The following GNG2 variants were observed in gnomAD, a reference collection of about 807,000 sequenced individuals.
GNG2 encodes guanine nucleotide-binding protein G(I)/G(S)/G(O) subunit gamma-2.
Under a neutral mutation model 5.5 loss-of-function variants are expected in GNG2, and 5 were observed. That is an observed-to-expected ratio of 0.91 (90% CI 0.48 to 1.92). The LOEUF is 1.92. Among genes scored for constraint, GNG2 ranks in the 30% most tolerant of loss-of-function variants. The probability of loss-of-function intolerance (pLI) is 0.01; values close to 1 mark genes in which losing one functional copy is unlikely to be tolerated. For synonymous variants in GNG2, 28 were observed against 32.0 expected (o/e 0.88, Z 0.42); for missense variants, 55 against 88.4 (o/e 0.62, Z 1.52).
chr14:51,849,908 C>T (rs1881828543), intron 2 of GNG2, among the ~76,000 whole-genome samples: 1 of 150,542 alleles, frequency 6.6e-6, no homozygotes, highest in Non-Finnish European at 1.5e-5. Context: ...CTTTTGGGCT[C>T]AGGTGATCCT....
At chr14:51,844,547 T>C (rs1316993803) in intron 2 of GNG2, among the ~76,000 whole-genome samples, 1 of 152,116 alleles carries the variant, frequency 6.6e-6, no homozygotes, top group Admixed American at 6.5e-5. Context: ...AGGAGTGTTA[T>C]ATAAAGAGTT....
chr14:51,905,558 C>A (rs1421858193), intron 2 of GNG2, among the ~76,000 whole-genome samples: 1 of 152,168 alleles, frequency 6.6e-6, no homozygotes, highest in Admixed American at 6.5e-5. Context: ...GTTACCTTTA[C>A]TCTTTCAGTC....
intron 2 of GNG2, among the ~76,000 whole-genome samples, chr14:51,890,451 C>T (rs185164938): frequency 1.3e-5 from 2 of 152,306 alleles, no homozygotes; most frequent in East Asian, 3.9e-4. Context: ...ACCAATGTAA[C>T]TCTACTCAGA....
chr14:51,874,864 C>G (rs1232620138), intron 1 of GNG2, among the ~76,000 whole-genome samples: 1 of 152,172 alleles, frequency 6.6e-6, no homozygotes, highest in Admixed American at 6.5e-5. Flanking sequence ...CGTTTTTCCT[C>G]TCATATGTGG....
intron 3 of GNG2, among the ~76,000 whole-genome samples, chr14:51,958,170 T>C (rs1889378159): frequency 6.6e-6 from 1 of 152,236 alleles, no homozygotes; most frequent in African/African-American, 2.4e-5. Context: ...TTGCGTCCTT[T>C]TGGCATGCTG....
Position 51,925,547 on chromosome 14 carries a change from G to A in GNG2, c.-29-25103G>A, listed in dbSNP as rs74732359. Among the ~76,000 whole-genome samples the A allele has an allele frequency of 5.1e-3, 777 of 152,262 alleles. 5 individuals carry two copies. The highest frequency in any genetic ancestry group is 0.011 in the Admixed American group (171 of 15,296). On this transcript the variant is annotated intron_variant, in intron 2 of 3. Transcript: ENST00000556766. ...GAATCTGCTCCTCTGAAAATCGGAG[G>A]ATACTGCCTTCTTGAGGGCCTGCTC...
At chr14:51,945,425 C>G (rs945537309) in intron 2 of GNG2, among the ~76,000 whole-genome samples, 1 of 152,110 alleles carries the variant, frequency 6.6e-6, no homozygotes, top group African/African-American at 2.4e-5. Context: ...TGAAATAAGC[C>G]AGTCACAAAA....
intron 2 of GNG2, among the ~76,000 whole-genome samples, chr14:51,894,795 C>T (rs1885077742): frequency 6.6e-6 from 1 of 152,016 alleles, no homozygotes; most frequent in Admixed American, 6.6e-5. Flanking sequence ...ACCTACAGTA[C>T]TTCTGTACTT....
At position 51,947,373 on chromosome 14, in the gene GNG2, A is replaced by G. The variant is rs573424299; in HGVS notation, c.-29-3277A>G. On this transcript the variant is annotated intron_variant, in intron 2 of 3. Transcript: ENST00000556766. The stretch of plus-strand genomic sequence containing the variant: ...ATCCTGGATTATCTGTGTGGGCGCA[A>G]TGTAGTTACAAGGGTCCTTAAAAGT... Among the ~76,000 whole-genome samples the G allele has an allele frequency of 4.6e-5, 7 of 152,302 alleles. No individual in the cohort carries two copies. In the South Asian group the frequency reaches 1.0e-3, roughly 23 times the overall value.
intron 2 of GNG2, among the ~76,000 whole-genome samples, chr14:51,843,429 G>A (rs1369026043): frequency 6.6e-6 from 1 of 152,130 alleles, no homozygotes; most frequent in Non-Finnish European, 1.5e-5. Context: ...GCCTGTCGGG[G>A]GTGAGGGGAG....
At chr14:51,916,067 T>C (rs1886601377) in intron 2 of GNG2, 1 of 153,150 alleles carries the variant, frequency 6.5e-6, no homozygotes. Context: ...CCTGTTTGTT[T>C]CTTTATCCCT....
chr14:51,900,248 C>T (rs1885461778), intron 2 of GNG2, among the ~76,000 whole-genome samples: 1 of 151,932 alleles, frequency 6.6e-6, no homozygotes, highest in African/African-American at 2.4e-5. Context: ...TTTGCATTTC[C>T]CTAATGATTA....
intron 2 of GNG2, among the ~76,000 whole-genome samples, chr14:51,925,991 G>A (rs1887292223): frequency 6.6e-6 from 1 of 151,918 alleles, no homozygotes; most frequent in African/African-American, 2.4e-5. Context: ...CCAAGGAAGT[G>A]ATCAGTTGTT....
intron 2 of GNG2, among the ~76,000 whole-genome samples, chr14:51,836,583 C>A (rs200129759): frequency 6.6e-6 from 1 of 152,038 alleles, no homozygotes; most frequent in African/African-American, 2.4e-5. Context: ...TCTCCCCTCA[C>A]CACAACTCCA....
At chr14:51,847,831 C>T (rs1881693411) in intron 2 of GNG2, among the ~76,000 whole-genome samples, 2 of 139,854 alleles carry the variant, frequency 1.4e-5, no homozygotes, top group African/African-American at 5.3e-5. Context: ...TGGCGATATT[C>T]TAATAGGCCA....
chr14:51,905,553 C>CT (rs2140188821), intron 2 of GNG2, among the ~76,000 whole-genome samples: 1 of 152,214 alleles, frequency 6.6e-6, no homozygotes, highest in South Asian at 2.1e-4. Context: ...CCTTAGTTAC[C>CT]TTTACTCTTT....
At chr14:51,884,946 C>A (rs186908065) in intron 2 of GNG2, among the ~76,000 whole-genome samples, 2 of 152,282 alleles carry the variant, frequency 1.3e-5, no homozygotes, top group East Asian at 3.9e-4. Flanking sequence ...GAGGTCTCAT[C>A]CTTTCTGGTC....
chr14:51,939,492 C>G (rs1016795622), intron 2 of GNG2, among the ~76,000 whole-genome samples: 1 of 152,190 alleles, frequency 6.6e-6, no homozygotes, highest in Admixed American at 6.5e-5. Context: ...CTTCTGGCAC[C>G]TGCGTGAGAC....
At chr14:51,871,626 A>G (rs1041196912) in intron 1 of GNG2, among the ~76,000 whole-genome samples, 1 of 152,238 alleles carries the variant, frequency 6.6e-6, no homozygotes, top group African/African-American at 2.4e-5. Flanking sequence ...TAATTATTCA[A>G]AATAAATATA....
Sources: gnomAD v4.1 joint callset for allele counts (sites outside exome capture counted in the v4.1 genomes callset) on GRCh38, gnomAD v4.1.1 for gene constraint, MANE v1.5 for transcripts, NCBI Gene and HGNC (gene_info 2026-07-23, HGNC 2026-07-21) for gene names.